SFT2D2: variants seen among roughly 807,000 people sequenced by gnomAD.
SFT2D2 encodes SFT2 domain containing 2, also known as vesicle transport protein SFT2B.
In SFT2D2, 21 loss-of-function variants were observed where a neutral mutation model predicts 27.4. The observed-to-expected ratio is 0.77, with a 90% confidence interval of 0.54 to 1.10. The LOEUF is 1.10. SFT2D2 is among the 50% of genes least tolerant of loss of function. The pLI is 0.00. For synonymous variants in SFT2D2, 72 were observed against 71.7 expected, an observed-to-expected ratio of 1.00 and a Z score of -0.02; for missense variants, 187 against 194.2, an observed-to-expected ratio of 0.96 and a Z score of 0.22.
At chr1:168,237,567 T>C (rs937026263) in intron 6 of SFT2D2, among the ~76,000 whole-genome samples, 11 of 152,316 alleles carry the variant, frequency 7.2e-5, no homozygotes, top group East Asian at 1.9e-4. Context: ...TCAGTATAGA[T>C]GTGACTCACC....
chr1:168,232,703 A>G (rs761164228), intron 3 of SFT2D2, among the ~76,000 whole-genome samples: 39 of 152,214 alleles, frequency 2.6e-4, no homozygotes, highest in Admixed American at 9.2e-4. Context: ...TGCATGCTCA[A>G]TGGGTAAGCA....
rs532006259 is a variant in SFT2D2 at position 168,246,017 on chromosome 1, A to G, written c.*3477A>G. On this transcript the variant is annotated 3_prime_UTR_variant, in exon 8 of 8. Transcript: ENST00000271375. ...TTGAATCCTACATCTCACTTTCTCA[A>G]TGGACGCAGTGACGCAATGAAGCAT... The G allele has an allele frequency of 2.4e-4, 49 of 202,818 alleles. 1 individual carries two copies. The highest frequency in any genetic ancestry group is 4.4e-4 in the Non-Finnish European group (44 of 99,178). 12.6% of individuals were successfully genotyped at this position (202,818 alleles called of 1,614,324 possible). A position where few individuals can be genotyped will look rare whatever the true frequency, so the allele number is the denominator to read the frequency against.
rs761000726 is a variant in SFT2D2 at position 168,235,125 on chromosome 1, G to C, written c.261G>C (p.Val87=). ...IGSTIFLMGP[V]KQLKRMFEPT... ...GTACCATCTTCCTCATGGGACCAGT[G>C]AAACAGCTGAAGCGAATGTTTGAGC... is the stretch of plus-strand genomic sequence containing the variant. Residue 87 remains valine (V), a synonymous_variant, in exon 4 of 8, where the codon GTG becomes GTC. Transcript: ENST00000271375. 2 of 1,614,182 alleles carry C rather than the reference G, an allele frequency of 1.2e-6. No individual in the cohort carries two copies. Among genetic ancestry groups the C allele is most frequent in the Non-Finnish European group, 1.7e-6 (2 of 1,180,016 alleles).
At position 168,252,568 on chromosome 1, in the gene SFT2D2, GT is replaced by G. The variant is rs1647973600; in HGVS notation, c.*10029del. 1 of 151,874 alleles carries G rather than the reference GT, an allele frequency of 6.6e-6. No homozygotes were observed. The highest frequency in any genetic ancestry group is 6.6e-5 in the Admixed American group (1 of 15,244). 9.4% of individuals were successfully genotyped at this position (151,874 alleles called of 1,614,324 possible). A position where few individuals can be genotyped will look rare whatever the true frequency, so the allele number is the denominator to read the frequency against. ...ACGTGTTTATTTTGCCTCTGTCAATGTGTTTGCAACCTTAAGTAAGGAAAGG... is the reference window on the plus strand; with the variant it reads ...ACGTGTTTATTTTGCCTCTGTCAATGGTTTGCAACCTTAAGTAAGGAAAGG... On this transcript the variant is annotated 3_prime_UTR_variant, in exon 8 of 8. Coordinates refer to ENST00000271375, the MANE Select transcript of SFT2D2 (RefSeq NM_199344.3).
rs146166038 is a variant in SFT2D2 at position 168,242,606 on chromosome 1, C to T, written c.*66C>T. ...CAGAAGCTGGTGGACAGTTTTGTAA[C>T]TATCTTCGAAACCTCTGTCTTACAG... is the stretch of plus-strand genomic sequence containing the variant. On this transcript the variant is annotated 3_prime_UTR_variant, in exon 8 of 8. Transcript: ENST00000271375. The T allele has an allele frequency of 5.4e-4, 856 of 1,578,152 alleles. 2 individuals are homozygous for T. The highest frequency in any genetic ancestry group is 7.3e-4 in the Non-Finnish European group (835 of 1,147,340).
chr1:168,251,376 C>T lies in SFT2D2; in HGVS notation c.*8836C>T, dbSNP rs1287125001. ...TCTGTTAAAATAGATAATAAGGAAC[C>T]ATATCTTAAAGTGTGGAGGATCTGG... On this transcript the variant is annotated 3_prime_UTR_variant, in exon 8 of 8. Transcript: ENST00000271375. 1 of 151,854 alleles carries T rather than the reference C, an allele frequency of 6.6e-6. No individual in the cohort carries two copies. The highest frequency in any genetic ancestry group is 1.5e-5 in the Non-Finnish European group (1 of 67,962). 9.4% of individuals were successfully genotyped at this position (151,854 alleles called of 1,614,324 possible).
chr1:168,244,921 A>G lies in SFT2D2; in HGVS notation c.*2381A>G, dbSNP rs1411282457. 1 of 152,186 alleles carries G rather than the reference A, an allele frequency of 6.6e-6. No homozygotes were observed. Among genetic ancestry groups the G allele is most frequent in the Non-Finnish European group, 1.5e-5 (1 of 68,040 alleles). The allele number at this position is 152,186 out of a possible 1,614,324, so 9.4% of individuals were successfully genotyped here. ...ATAATCTCAGCAAACTAGGGATACA[A>G]GAGAATTTCCTCAACCTGTCGAAGG... On this transcript the variant is annotated 3_prime_UTR_variant, in exon 8 of 8. Coordinates refer to ENST00000271375, the MANE Select transcript of SFT2D2 (RefSeq NM_199344.3).
intron 6 of SFT2D2, among the ~76,000 whole-genome samples, chr1:168,238,208 C>T (rs781750620): frequency 6.6e-6 from 1 of 152,132 alleles, no homozygotes; most frequent in Non-Finnish European, 1.5e-5. Context: ...TACCTTTGGA[C>T]GTACTACATT....
At chr1:168,241,150 C>A (rs924988040) in intron 7 of SFT2D2, among the ~76,000 whole-genome samples, 7 of 150,116 alleles carry the variant, frequency 4.7e-5, no homozygotes, top group Admixed American at 1.3e-4. Flanking sequence ...GCTGAGGAGA[C>A]GAATTACTCC....
In SFT2D2 at chr1:168,245,186, A is replaced by G. The variant is rs973260243; in HGVS notation, c.*2646A>G. The G allele has an allele frequency of 1.6e-4, 24 of 152,350 alleles. No individual in the cohort carries two copies. Among genetic ancestry groups the G allele is most frequent in the Non-Finnish European group, 3.2e-4 (22 of 68,036 alleles). 9.4% of individuals were successfully genotyped at this position (152,350 alleles called of 1,614,324 possible). ...TGAGTAAAACTGTCTATTCACAGATATTATCATCTATGTAGAAAACCAAAT... is the reference window on the plus strand; with the variant it reads ...TGAGTAAAACTGTCTATTCACAGATGTTATCATCTATGTAGAAAACCAAAT... On this transcript the variant is annotated 3_prime_UTR_variant, in exon 8 of 8. Coordinates refer to ENST00000271375, the MANE Select transcript of SFT2D2 (RefSeq NM_199344.3).
intron 7 of SFT2D2, among the ~76,000 whole-genome samples, chr1:168,239,498 A>G (rs1647590404): frequency 7.0e-6 from 1 of 141,966 alleles, no homozygotes; most frequent in Admixed American, 7.4e-5. Context: ...ATGTCATTTC[A>G]TATCACTGAG....
intron 1 of SFT2D2, among the ~76,000 whole-genome samples, chr1:168,226,755 C>A (rs1221483261): frequency 3.9e-5 from 6 of 152,214 alleles, no homozygotes; most frequent in Non-Finnish European, 8.8e-5. Context: ...CTGCCCACAA[C>A]TAGTCTCTAG....
At position 168,242,518 on chromosome 1, in the gene SFT2D2, G is replaced by C. The variant is rs374630156; in HGVS notation, c.461G>C (p.Cys154Ser). ...IPFARDAVKK[C>S]FAVCLA ...TTTCCTAGGGATGCTGTGAAGAAGT[G>C]TTTTGCCGTGTGTCTTGCATAATTC... is the stretch of plus-strand genomic sequence containing the variant. Residue 154 changes from cysteine (C) to serine (S), a missense_variant, in exon 8 of 8, where the codon TGT (cysteine) becomes TCT (serine). Cys to Ser is a moderately radical substitution (Grantham distance 112). Coordinates refer to ENST00000271375, the MANE Select transcript of SFT2D2 (RefSeq NM_199344.3). The C allele has an allele frequency of 5.6e-6, 9 of 1,614,072 alleles. No individual in the cohort carries two copies. The African/African-American group carries it at 1.2e-4, about 22-fold the overall frequency.
chr1:168,237,851 G>GTA (rs386368653), intron 6 of SFT2D2, among the ~76,000 whole-genome samples: 1 of 134,940 alleles, frequency 7.4e-6, no homozygotes, highest in Non-Finnish European at 1.6e-5. Flanking sequence ...ATGTGTGTGT[G>GTA]TGTGTGTATG....
chr1:168,227,795 T>TTC (rs1482415591), intron 1 of SFT2D2, among the ~76,000 whole-genome samples: 2 of 152,148 alleles, frequency 1.3e-5, no homozygotes, highest in African/African-American at 4.8e-5. Context: ...GGCAGACACT[T>TTC]TCTCTCCCTG....
In SFT2D2 at chr1:168,249,645, A is replaced by G. The variant is rs966883547; in HGVS notation, c.*7105A>G. 1.3e-5 allele frequency: 2 copies of G among 152,640 alleles called. No individual in the cohort carries two copies. The highest frequency in any genetic ancestry group is 4.8e-5 in the African/African-American group (2 of 41,440). 9.5% of individuals were successfully genotyped at this position (152,640 alleles called of 1,614,324 possible). ...TAGTGAATGTAGGCTTTGAAGTCAG[A>G]TGCATCTGGCTGTGAGCTGTGACTA... On this transcript the variant is annotated 3_prime_UTR_variant, in exon 8 of 8. Transcript: ENST00000271375.
chr1:168,231,623 G>A (rs1055926224), intron 2 of SFT2D2, 23 bp downstream of exon 2: 1 of 1,606,814 alleles, frequency 6.2e-7, no homozygotes, highest in African/African-American at 1.3e-5. Context: ...TTCCTCCTCT[G>A]TCTTTTCCTT....
chr1:168,235,139 G>T lies in SFT2D2; in HGVS notation c.275G>T (p.Arg92Leu), dbSNP rs1222942290. The T allele has an allele frequency of 1.2e-6, 2 of 1,614,206 alleles. No homozygotes were observed. The highest frequency in any genetic ancestry group is 3.3e-5 in the Admixed American group (2 of 60,024). Residue 92 changes from arginine to leucine, a missense_variant, in exon 4 of 8, where the codon CGA becomes CTA. By Grantham distance (102) the Arg-to-Leu change is moderately radical (BLOSUM62 -2). Coordinates refer to ENST00000271375, the MANE Select transcript of SFT2D2 (RefSeq NM_199344.3). ...ATGGGACCAGTGAAACAGCTGAAGC[G>T]AATGTTTGAGCCTACTCGTTTGATT... is the stretch of plus-strand genomic sequence containing the variant. ...FLMGPVKQLK[R>L]MFEPTRLIAT...
intron 3 of SFT2D2, among the ~76,000 whole-genome samples, chr1:168,234,208 C>G (rs1647410688): frequency 6.6e-6 from 1 of 152,008 alleles, no homozygotes; most frequent in Non-Finnish European, 1.5e-5. Flanking sequence ...CCATCCTGGC[C>G]AACATGGTGA....
Sources: gnomAD v4.1 joint callset for allele counts (sites outside exome capture counted in the v4.1 genomes callset) on GRCh38, gnomAD v4.1.1 for gene constraint, MANE v1.5 for transcripts, NCBI Gene and HGNC (gene_info 2026-07-23, HGNC 2026-07-21) for gene names.